Variants in SNTN observed in about 807,000 individuals in gnomAD.
SNTN encodes sentan, cilia apical structure protein, also known as sentan.
SNTN carries 13 observed loss-of-function variants against 12.3 expected under a neutral mutation model. The observed-to-expected ratio is 1.05, with a 90% CI of 0.69 to 1.67. The LOEUF is 1.67. SNTN is among the 40% of genes most tolerant of loss of function. The pLI is 0.00. For synonymous variants in SNTN, 69 were observed against 58.5 expected (o/e 1.18, Z -0.82); for missense variants, 189 against 169.8 (o/e 1.11, Z -0.63).
rs1295432564 is a variant in SNTN, at chr3:63,664,770, G to T, written c.*675G>T. The T allele has an allele frequency of 8.9e-6, 1 of 112,938 alleles. No individual in the cohort carries two copies. The highest frequency in any genetic ancestry group is 1.9e-5 in the Non-Finnish European group (1 of 52,768). The allele number at this position is 112,938 out of a possible 1,614,324, so 7.0% of individuals were successfully genotyped here. A position where few individuals can be genotyped will look rare whatever the true frequency, so the allele number is the denominator to read the frequency against. On this transcript the variant is annotated 3_prime_UTR_variant, in exon 4 of 4. Transcript: ENST00000343837. ...ATTTTATTTTATTTTATTTTATTTTGAGACAGAGTTTTGCTCTTGTTGCCC... is the reference window on the plus strand; with the variant it reads ...ATTTTATTTTATTTTATTTTATTTTTAGACAGAGTTTTGCTCTTGTTGCCC...
intron 3 of SNTN, among the ~76,000 whole-genome samples, chr3:63,663,040 C>T (rs1169930938): frequency 6.6e-6 from 1 of 152,148 alleles, no homozygotes; most frequent in African/African-American, 2.4e-5. Context: ...TTTCTTTTAG[C>T]ATATTATATT....
intron 2 of SNTN, among the ~76,000 whole-genome samples, chr3:63,658,263 C>G (rs1317698050): frequency 6.6e-6 from 1 of 151,984 alleles, no homozygotes; most frequent in Non-Finnish European, 1.5e-5. Flanking sequence ...CCTCCTCATC[C>G]TAGTAATCTT....
chr3:63,659,964 C>T (rs909362552), intron 3 of SNTN, 100 bp downstream of exon 3: 40 of 1,422,556 alleles, frequency 2.8e-5, no homozygotes, highest in South Asian at 5.0e-5. Context: ...TGTTGTCTCA[C>T]GTAACAAATG....
intron 3 of SNTN, 191 bp from the exon 4 acceptor site, chr3:63,663,746 C>A (rs1408669025): frequency 1.4e-6 from 1 of 719,182 alleles, no homozygotes; most frequent in Non-Finnish European, 2.5e-6. Context: ...GTCCTCACCA[C>A]ATGCAGATGC....
intron 2 of SNTN, among the ~76,000 whole-genome samples, chr3:63,657,013 G>A (rs1575749690): frequency 1.3e-5 from 2 of 152,246 alleles, no homozygotes; most frequent in Non-Finnish European, 2.9e-5. Context: ...TTCATCCCAG[G>A]GAGGAGTCAT....
In SNTN at chr3:63,654,814, C is replaced by T. The variant is rs1208184901; in HGVS notation, c.145+18C>T. The T allele has an allele frequency of 5.6e-6, 9 of 1,610,524 alleles. No homozygotes were observed. Among genetic ancestry groups the T allele is most frequent in the African/African-American group, 5.4e-5 (4 of 74,744 alleles). ...AGTGAAAGGTAAGGCACAGATGACGCAGATGTACATTTTTCTCCTCTACCA... is the reference window on the plus strand; with the variant it reads ...AGTGAAAGGTAAGGCACAGATGACGTAGATGTACATTTTTCTCCTCTACCA... On this transcript the variant is annotated intron_variant, in intron 2 of 3. Transcript: ENST00000343837.
chr3:63,652,896 C>A, intron 1 of SNTN, 99 bp downstream of exon 1: 1 of 1,081,298 alleles, frequency 9.2e-7, no homozygotes, highest in Non-Finnish European at 1.4e-6. Flanking sequence ...AAGTTATTGC[C>A]AGTTTGGTGC....
chr3:63,654,085 G>GCCCT (rs1399368401), intron 1 of SNTN, among the ~76,000 whole-genome samples: 1 of 152,172 alleles, frequency 6.6e-6, no homozygotes, highest in Non-Finnish European at 1.5e-5. Context: ...TTACCTCTTT[G>GCCCT]CCCTCTCTAT....
At position 63,659,893 on chromosome 3, in the gene SNTN, A is replaced by C. The variant is rs773190749; in HGVS notation, c.285+29A>C. 13 of 1,613,098 alleles carry C rather than the reference A, an allele frequency of 8.1e-6. No individual in the cohort carries two copies. In the East Asian group the frequency reaches 2.9e-4, roughly 36 times the overall value. On this transcript the variant is annotated intron_variant, in intron 3 of 3. Transcript: ENST00000343837. ...AGAGAATTAACTTGCATAAAGAAAC[A>C]GAAACTACACCCTCATGGCTGACCC...
rs1700785292 is a variant in SNTN, at chr3:63,664,864, T to G, written c.*769T>G. 1 of 152,240 alleles carries G rather than the reference T, an allele frequency of 6.6e-6. No individual in the cohort carries two copies. The highest frequency in any genetic ancestry group is 6.5e-5 in the Admixed American group (1 of 15,274). 9.4% of individuals were successfully genotyped at this position (152,240 alleles called of 1,614,324 possible). On this transcript the variant is annotated 3_prime_UTR_variant, in exon 4 of 4. Transcript: ENST00000343837. ...ATCTCCCAGGTTCAAGTGATTCTCC[T>G]GCCTCAGCCTCCTGAGTAGCTGGGA...
intron 2 of SNTN, among the ~76,000 whole-genome samples, chr3:63,655,531 C>A (rs1001105066): frequency 2.0e-5 from 3 of 152,096 alleles, no homozygotes; most frequent in Non-Finnish European, 4.4e-5. Context: ...ATTTATGTTT[C>A]AATAATTTAC....
At chr3:63,653,558 A>T (rs2106937073) in intron 1 of SNTN, among the ~76,000 whole-genome samples, 1 of 152,272 alleles carries the variant, frequency 6.6e-6, no homozygotes, top group Non-Finnish European at 1.5e-5. Flanking sequence ...GTTAATGCCA[A>T]AACCAGATCC....
intron 2 of SNTN, among the ~76,000 whole-genome samples, chr3:63,656,677 G>A (rs1047322095): frequency 1.3e-5 from 2 of 152,090 alleles, no homozygotes; most frequent in African/African-American, 4.8e-5. Context: ...TTTGGTGGGG[G>A]TACAGCACTG....
intron 2 of SNTN, among the ~76,000 whole-genome samples, chr3:63,656,248 C>T (rs1700678797): frequency 6.6e-6 from 1 of 152,068 alleles, no homozygotes; most frequent in Admixed American, 6.6e-5. Flanking sequence ...GAGGAAGAGG[C>T]AGAGGATTTT....
Position 63,663,687 on chromosome 3 carries a change from C to T in SNTN, c.286-250C>T, listed in dbSNP as rs552224491. The T allele has an allele frequency of 3.1e-5, 19 of 606,310 alleles. No individual in the cohort carries two copies. In the African/African-American group the frequency reaches 3.4e-4, roughly 11 times the overall value. 37.6% of individuals were successfully genotyped at this position (606,310 alleles called of 1,614,324 possible). ...CCCCTCTCTTGCTGTGTGATCTGTT[C>T]ATACACCAGCTCCCCTTCACCTTCT... On this transcript the variant is annotated intron_variant, in intron 3 of 3. Transcript: ENST00000343837.
intron 3 of SNTN, among the ~76,000 whole-genome samples, chr3:63,661,827 C>G (rs1418260420): frequency 6.6e-6 from 1 of 152,040 alleles, no homozygotes; most frequent in Admixed American, 6.6e-5. Flanking sequence ...AGAAAGGGGG[C>G]TCATTACCTG....
At chr3:63,659,886 A>T (rs1700725161) in intron 3 of SNTN, 22 bp downstream of exon 3, 1 of 1,613,240 alleles carries the variant, frequency 6.2e-7, no homozygotes, top group Non-Finnish European at 8.5e-7. Context: ...AACTTGCATA[A>T]AGAAACAGAA....
intron 1 of SNTN, among the ~76,000 whole-genome samples, chr3:63,653,396 A>C (rs1475561249): frequency 6.6e-6 from 1 of 152,172 alleles, no homozygotes; most frequent in Admixed American, 6.5e-5. Flanking sequence ...CCTTCTTCTT[A>C]TAAAGGAAAT....
intron 2 of SNTN, among the ~76,000 whole-genome samples, chr3:63,657,827 C>A (rs540411298): frequency 3.3e-5 from 5 of 152,292 alleles, no homozygotes; most frequent in Non-Finnish European, 7.4e-5. Context: ...CATATACTTT[C>A]TTTGCGACAT....
Sources: allele counts gnomAD v4.1 joint callset (sites outside exome capture counted in the v4.1 genomes callset), GRCh38; gene constraint gnomAD v4.1.1; transcripts MANE v1.5; gene names NCBI Gene and HGNC (gene_info 2026-07-23, HGNC 2026-07-21).